GTF2B: variants seen among roughly 807,000 people sequenced by gnomAD.
GTF2B encodes the protein general transcription factor IIB, also known as transcription initiation factor IIB.
Under a neutral mutation model 34.6 loss-of-function variants are expected in GTF2B, and 20 were observed. The observed-to-expected ratio is 0.58, with a 90% CI of 0.41 to 0.84. The LOEUF is 0.84. GTF2B is among the 40% of genes least tolerant of loss of function. GTF2B has a pLI of 0.00. For synonymous variants in GTF2B, 142 were observed against 132.4 expected (o/e 1.07, Z -0.50); for missense variants, 237 against 393.3 (o/e 0.60, Z 3.36).
At chr1:88,856,252 G>C (rs1005952241) in intron 6 of GTF2B, among the ~76,000 whole-genome samples, 2 of 113,548 alleles carry the variant, frequency 1.8e-5, no homozygotes, top group Non-Finnish European at 3.3e-5. Flanking sequence ...CTGCGCAACA[G>C]AGGGAGACTG....
chr1:88,876,527 A>T (rs568385418), intron 2 of GTF2B, among the ~76,000 whole-genome samples: 3 of 152,196 alleles, frequency 2.0e-5, no homozygotes, highest in Admixed American at 6.5e-5. Flanking sequence ...ATAATTTTTT[A>T]AAAAATTAGC....
chr1:88,867,323 C>T (rs1367803935), intron 2 of GTF2B, among the ~76,000 whole-genome samples: 3 of 152,184 alleles, frequency 2.0e-5, no homozygotes, highest in South Asian at 4.1e-4. Flanking sequence ...TCATGACAAG[C>T]TCTTTTCATT....
In GTF2B at chr1:88,887,311, T is replaced by C; in HGVS notation, c.74A>G (p.Glu25Gly). ...GATCATATCACCGGCTCTGTAGTCC[T>C]CCACTAAAATCGCATCTGGATGGTT... is the stretch of plus-strand genomic sequence containing the variant. ...CPNHPDAILV[E>G]DYRAGDMICP... Residue 25 changes from glutamate to glycine, a missense_variant, in exon 2 of 7, where the codon GAG becomes GGG. Around this residue, in one of 3 missense-constraint regions of GTF2B, gnomAD observed 130 missense variants for 170.9 expected, o/e 0.76. Transcript: ENST00000370500. 1.2e-6 allele frequency: 2 copies of C among 1,612,810 alleles called. No individual in the cohort carries two copies. The highest frequency in any genetic ancestry group is 1.7e-6 in the Non-Finnish European group (2 of 1,178,786).
chr1:88,853,388 T>C, intron 6 of GTF2B, 42 bp from the exon 7 acceptor site: 1 of 1,579,146 alleles, frequency 6.3e-7, no homozygotes, highest in Non-Finnish European at 8.7e-7. Context: ...ATTTCCATCC[T>C]ACCTCCTTTC....
At chr1:88,881,323 TTAAG>T (rs1465349149) in intron 2 of GTF2B, among the ~76,000 whole-genome samples, 2 of 152,194 alleles carry the variant, frequency 1.3e-5, no homozygotes, top group Non-Finnish European at 2.9e-5. Context: ...CTAGGTTTTA[TTAAG>T]TACCATCTAT....
chr1:88,854,994 G>C (rs75915865), intron 6 of GTF2B, among the ~76,000 whole-genome samples: 7,328 of 152,254 alleles, frequency 0.048, 247 homozygotes, highest in East Asian at 0.13. Context: ...ACTGCCTGCT[G>C]TGCAGGGAAG....
intron 3 of GTF2B, among the ~76,000 whole-genome samples, chr1:88,862,939 A>G (rs1033673494): frequency 6.6e-6 from 1 of 151,872 alleles, no homozygotes; most frequent in African/African-American, 2.4e-5. Flanking sequence ...CCAGCCAGAC[A>G]GATTTTAAAC....
chr1:88,881,293 T>C (rs368657887), intron 2 of GTF2B, among the ~76,000 whole-genome samples: 4 of 152,004 alleles, frequency 2.6e-5, no homozygotes, highest in African/African-American at 9.7e-5. Flanking sequence ...GTAGCCTAGG[T>C]GTGTTGTAGA....
chr1:88,886,318 A>G (rs1176422774), intron 2 of GTF2B, among the ~76,000 whole-genome samples: 1 of 152,216 alleles, frequency 6.6e-6, no homozygotes, highest in African/African-American at 2.4e-5. Flanking sequence ...TAAGTAATTC[A>G]AACTGCTAAA....
In GTF2B at chr1:88,857,206, C is replaced by T; in HGVS notation, c.817G>A (p.Glu273Lys). 6.2e-7 allele frequency: 1 copy of T among 1,604,032 alleles called. No individual in the cohort carries two copies. The highest frequency in any genetic ancestry group is 8.5e-7 in the Non-Finnish European group (1 of 1,175,850). Reference sequence around the variant, plus strand: ...CACACTTCCTGATGACGAACCCTACCTTTTTGGGTCCTCTTTTCAGCTGAT... The same window carrying T: ...CACACTTCCTGATGACGAACCCTACTTTTTTGGGTCCTCTTTTCAGCTGAT... ...QASAEKRTQK[E>K]IGDIAGVADV... Residue 273 changes from glutamate (E) to lysine (K), a missense_variant and splice_region_variant, in exon 6 of 7, where the codon GAA becomes AAA. Transcript: ENST00000370500.
chr1:88,870,006 C>A (rs938988548), intron 2 of GTF2B, among the ~76,000 whole-genome samples: 1 of 151,618 alleles, frequency 6.6e-6, no homozygotes, highest in Non-Finnish European at 1.5e-5. Flanking sequence ...CGGCTCACTG[C>A]AAGCTCCACC....
intron 5 of GTF2B, chr1:88,858,629 G>A (rs1318229226): frequency 2.0e-5 from 3 of 152,056 alleles, no homozygotes; most frequent in Admixed American, 1.3e-4. Flanking sequence ...TGATGATAAA[G>A]GCCATCACCT....
intron 3 of GTF2B, among the ~76,000 whole-genome samples, chr1:88,862,394 T>A (rs1673457973): frequency 6.6e-6 from 1 of 151,998 alleles, no homozygotes. Context: ...ATACAAAAAT[T>A]AGCCATGTGT....
intron 2 of GTF2B, among the ~76,000 whole-genome samples, chr1:88,877,300 C>T (rs570649625): frequency 1.3e-5 from 2 of 152,138 alleles, no homozygotes; most frequent in Non-Finnish European, 2.9e-5. Context: ...ATTTTCCTTA[C>T]GTTGCTTTTA....
At chr1:88,869,034 C>T (rs1166365916) in intron 2 of GTF2B, among the ~76,000 whole-genome samples, 3 of 152,084 alleles carry the variant, frequency 2.0e-5, no homozygotes, top group East Asian at 1.9e-4. Flanking sequence ...CCACCGCGCC[C>T]GGCCTGTATC....
chr1:88,853,400 A>G, intron 6 of GTF2B, 54 bp from the exon 7 acceptor site: 1 of 1,498,876 alleles, frequency 6.7e-7, no homozygotes, highest in Non-Finnish European at 9.3e-7. Flanking sequence ...CCTCCTTTCC[A>G]CTACCTGCAT....
chr1:88,876,629 C>T lies in GTF2B; in HGVS notation c.124+10632G>A, dbSNP rs140945364. ...CTGAGAGGTCAAGGTTGCGGTGAGC[C>T]ATAATCATGCCACTAGCCTGGGCAA... On this transcript the variant is annotated intron_variant, in intron 2 of 6. Transcript: ENST00000370500. Among the ~76,000 whole-genome samples, 12 of 152,214 alleles carry T rather than the reference C, an allele frequency of 7.9e-5. No individual in the cohort carries two copies. In the East Asian group the frequency reaches 2.3e-3, roughly 29 times the overall value.
intron 6 of GTF2B, among the ~76,000 whole-genome samples, chr1:88,856,942 C>T (rs1479257288): frequency 6.6e-6 from 1 of 151,860 alleles, no homozygotes; most frequent in East Asian, 1.9e-4. Flanking sequence ...GCTGGGATTA[C>T]AAGCCCCACC....
intron 2 of GTF2B, among the ~76,000 whole-genome samples, chr1:88,884,244 T>A (rs955535437): frequency 2.0e-5 from 3 of 152,080 alleles, no homozygotes; most frequent in Non-Finnish European, 2.9e-5. Flanking sequence ...GCCAGGCTGG[T>A]TTTGAACTCC....
Sources: gnomAD v4.1 joint callset for allele counts (sites outside exome capture counted in the v4.1 genomes callset) on GRCh38, gnomAD v4.1.1 for gene constraint, gnomAD v4.1.1 regional missense constraint, MANE v1.5 for transcripts, NCBI Gene and HGNC (gene_info 2026-07-23, HGNC 2026-07-21) for gene names.